The following NPTX2 variants were observed in gnomAD, a reference collection of about 807,000 sequenced individuals.
NPTX2 encodes the protein neuronal pentraxin 2, also known as neuronal pentraxin-2.
A neutral mutation model predicts 38.1 loss-of-function variants in NPTX2; 23 were observed. The observed-to-expected ratio is 0.60, with a 90% CI of 0.43 to 0.85. The LOEUF is 0.85. NPTX2 is among the 40% of genes least tolerant of loss of function. The pLI is 0.00. For synonymous variants in NPTX2, 291 were observed against 287.3 expected (o/e 1.01, Z -0.13); for missense variants, 553 against 615.3 (o/e 0.90, Z 1.07).
At position 98,628,255 on chromosome 7, in the gene NPTX2, C is replaced by T; in HGVS notation, c.1069-147C>T. On this transcript the variant is annotated intron_variant, in intron 4 of 4. Transcript: ENST00000265634. ...GATGCCACCTCCCAGTTCTGACATGCCTGGGAGCTTCAGAACCTACAGAAA... is the reference window on the plus strand; with the variant it reads ...GATGCCACCTCCCAGTTCTGACATGTCTGGGAGCTTCAGAACCTACAGAAA... 5.3e-6 allele frequency: 3 copies of T among 568,894 alleles called. No individual in the cohort carries two copies. The South Asian group carries it at 7.4e-5, about 14-fold the overall frequency. The allele number at this position is 568,894 out of a possible 1,614,324, so 35.2% of individuals were successfully genotyped here. A position where few individuals can be genotyped will look rare whatever the true frequency, so the allele number is the denominator to read the frequency against.
chr7:98,617,538 G>A lies in NPTX2; in HGVS notation c.77G>A (p.Arg26His), dbSNP rs1297775623. The A allele has an allele frequency of 2.8e-6, 4 of 1,427,420 alleles. No homozygotes were observed. The highest frequency in any genetic ancestry group is 1.5e-5 in the African/African-American group (1 of 66,864). 88.4% of individuals were successfully genotyped at this position (1,427,420 alleles called of 1,614,324 possible). A position where few individuals can be genotyped will look rare whatever the true frequency, so the allele number is the denominator to read the frequency against. ...CAGGACAGCCCGGCGCCCGGTAGCC[G>A]CTTCGTGTGCACGGCACTGCCCCCA... ...GAQDSPAPGSRFVCTALPPEA... is the reference protein window; with the variant it reads ...GAQDSPAPGSHFVCTALPPEA... Residue 26 changes from arginine (R) to histidine (H), a missense_variant, in exon 1 of 5, where the codon CGC becomes CAC. Coordinates refer to ENST00000265634, the MANE Select transcript of NPTX2 (RefSeq NM_002523.3).
chr7:98,619,551 C>T (rs1225928845), intron 1 of NPTX2, 92 bp from the exon 2 acceptor site: 6 of 1,075,292 alleles, frequency 5.6e-6, no homozygotes, highest in Non-Finnish European at 8.5e-6. Context: ...GTTTTGGAAG[C>T]TTCTCCCTGT....
intron 1 of NPTX2, among the ~76,000 whole-genome samples, chr7:98,618,701 G>C (rs1157082563): frequency 6.6e-6 from 1 of 151,068 alleles, no homozygotes; most frequent in Non-Finnish European, 1.5e-5. Flanking sequence ...TTCATCTTTA[G>C]GCTCCACCCT....
intron 2 of NPTX2, among the ~76,000 whole-genome samples, chr7:98,623,240 C>T (rs913120472): frequency 2.0e-5 from 3 of 152,180 alleles, no homozygotes; most frequent in Non-Finnish European, 2.9e-5. Flanking sequence ...GTCTGGTTCT[C>T]AAATAAGAGG....
Position 98,623,455 on chromosome 7 carries a change from C to T in NPTX2, c.644-1467C>T, listed in dbSNP as rs564675894. Among the ~76,000 whole-genome samples the T allele has an allele frequency of 1.5e-3, 227 of 152,272 alleles. 3 individuals carry two copies. Among genetic ancestry groups the T allele is most frequent in the South Asian group, 1.7e-3 (8 of 4,812 alleles). On this transcript the variant is annotated intron_variant, in intron 2 of 4. Coordinates refer to ENST00000265634, the MANE Select transcript of NPTX2 (RefSeq NM_002523.3). ...GACATAGGGGTGGCGGGTGGATTCT[C>T]ACCAATTCCAGGAAGGTCTGGAAGG...
At chr7:98,620,714 G>T (rs115274546) in intron 2 of NPTX2, among the ~76,000 whole-genome samples, 1 of 152,132 alleles carries the variant, frequency 6.6e-6, no homozygotes, top group East Asian at 1.9e-4. Context: ...AGGAGGGAAC[G>T]TCTAGGCACA....
At chr7:98,623,051 A>G (rs1233441992) in intron 2 of NPTX2, among the ~76,000 whole-genome samples, 3 of 152,038 alleles carry the variant, frequency 2.0e-5, no homozygotes, top group African/African-American at 7.3e-5. Flanking sequence ...AGAAAGGTTT[A>G]TCTATTCTGG....
chr7:98,620,096 C>A lies in NPTX2; in HGVS notation c.643+237C>A, dbSNP rs146805193. ...GTCCAGGACCAGCTTCGATAAGCAACCACACGGGCGTTTCAGTCCTTTGTT... is the reference window on the plus strand; with the variant it reads ...GTCCAGGACCAGCTTCGATAAGCAAACACACGGGCGTTTCAGTCCTTTGTT... On this transcript the variant is annotated intron_variant, in intron 2 of 4. Coordinates refer to ENST00000265634, the MANE Select transcript of NPTX2 (RefSeq NM_002523.3). 2.7e-3 allele frequency: 1,509 copies of A among 564,882 alleles called. 22 individuals are homozygous for A. The highest frequency in any genetic ancestry group is 0.025 in the African/African-American group (1,356 of 53,276). The allele number at this position is 564,882 out of a possible 1,614,324, so 35.0% of individuals were successfully genotyped here. A position where few individuals can be genotyped will look rare whatever the true frequency, so the allele number is the denominator to read the frequency against.
In NPTX2 at chr7:98,627,158, C is replaced by T. The variant is rs1791363924; in HGVS notation, c.889-7C>T. On this transcript the variant is annotated splice_region_variant and splice_polypyrimidine_tract_variant and intron_variant, in intron 3 of 4. Coordinates refer to ENST00000265634, the MANE Select transcript of NPTX2 (RefSeq NM_002523.3). ...GCAGGTCCTTACCTGCACATTGCTGCTCACAGGTTGCGCAGCTGCCCCTGT... is the reference window on the plus strand; with the variant it reads ...GCAGGTCCTTACCTGCACATTGCTGTTCACAGGTTGCGCAGCTGCCCCTGT... 1 of 1,609,704 alleles carries T rather than the reference C, an allele frequency of 6.2e-7. No individual in the cohort carries two copies. The highest frequency in any genetic ancestry group is 8.5e-7 in the Non-Finnish European group (1 of 1,176,928).
Position 98,617,573 on chromosome 7 carries a change from C to G in NPTX2, c.112C>G (p.His38Asp). 9 of 1,481,158 alleles carry G rather than the reference C, an allele frequency of 6.1e-6. No homozygotes were observed. Among genetic ancestry groups the G allele is most frequent in the Non-Finnish European group, 8.0e-6 (9 of 1,123,116 alleles). The allele number at this position is 1,481,158 out of a possible 1,614,324, so 91.8% of individuals were successfully genotyped here. ...VCTALPPEAVHAGCPLPAMPM... is the reference protein window; with the variant it reads ...VCTALPPEAVDAGCPLPAMPM... ...CACGGCACTGCCCCCAGAGGCGGTG[C>G]ACGCCGGCTGCCCGCTGCCCGCGAT... The change falls in exon 1 of 5, where the codon CAC (histidine) becomes GAC (aspartate). Residue 38 changes from histidine (H) to aspartate (D), a missense_variant. Coordinates refer to ENST00000265634, the MANE Select transcript of NPTX2 (RefSeq NM_002523.3).
At position 98,617,873 on chromosome 7, in the gene NPTX2, C is replaced by A; in HGVS notation, c.412C>A (p.Leu138Met). Residue 138 changes from leucine to methionine, a missense_variant, in exon 1 of 5, where the codon CTG (leucine) becomes ATG (methionine). By Grantham distance (15) the Leu-to-Met change is conservative. Transcript: ENST00000265634. The stretch of plus-strand genomic sequence containing the variant: ...CTCGCTGCAGACCCTCAAGGACCGC[C>A]TGGAGAGCCTCGAGGTAGCGGCCCG... ...SRSLQTLKDR[L>M]ESLEHQLRAN... The A allele has an allele frequency of 2.1e-5, 32 of 1,555,754 alleles. No homozygotes were observed. Among genetic ancestry groups the A allele is most frequent in the Non-Finnish European group, 2.8e-5 (32 of 1,159,080 alleles).
At chr7:98,625,527 C>T (rs1562850878) in intron 3 of NPTX2, among the ~76,000 whole-genome samples, 1 of 152,106 alleles carries the variant, frequency 6.6e-6, no homozygotes, top group Non-Finnish European at 1.5e-5. Flanking sequence ...GTGTGTGTGT[C>T]TCAGTGTAAG....
At position 98,619,773 on chromosome 7, in the gene NPTX2, T is replaced by C. The variant is rs759164197; in HGVS notation, c.557T>C (p.Leu186Pro). 3.1e-6 allele frequency: 5 copies of C among 1,613,738 alleles called. No individual in the cohort carries two copies. Among genetic ancestry groups the C allele is most frequent in the Non-Finnish European group, 1.7e-6 (2 of 1,180,042 alleles). ...KVAELEDEKS[L>P]LHNETSAHRQ... is the part of the protein sequence containing the mutation. ...GCAGAGCTGGAGGACGAGAAGTCCCTGCTGCACAATGAGACCTCGGCTCAC... is the reference window on the plus strand; with the variant it reads ...GCAGAGCTGGAGGACGAGAAGTCCCCGCTGCACAATGAGACCTCGGCTCAC... The change falls in exon 2 of 5, where the codon CTG becomes CCG. Residue 186 changes from leucine to proline, a missense_variant. By Grantham distance (98) the Leu-to-Pro change is moderately conservative (BLOSUM62 -3). Transcript: ENST00000265634.
intron 3 of NPTX2, among the ~76,000 whole-genome samples, chr7:98,625,440 C>T (rs1041264444): frequency 3.3e-5 from 5 of 152,150 alleles, no homozygotes; most frequent in Admixed American, 1.3e-4. Context: ...AACAGATCTC[C>T]GTGTGCAGCC....
At position 98,619,865 on chromosome 7, in the gene NPTX2, T is replaced by C. The variant is rs771843238; in HGVS notation, c.643+6T>C. 1.2e-6 allele frequency: 2 copies of C among 1,612,504 alleles called. No homozygotes were observed. The highest frequency in any genetic ancestry group is 3.3e-5 in the Admixed American group (2 of 59,946). On this transcript the variant is annotated splice_donor_region_variant and intron_variant, in intron 2 of 4. Coordinates refer to ENST00000265634, the MANE Select transcript of NPTX2 (RefSeq NM_002523.3). ...GGTCACCGAGCTGGAGCGAGGTGTG[T>C]GCCTGGCCTGTTTCTCTGTCTGGCA...
At chr7:98,627,644 A>G (rs1409231619) in intron 4 of NPTX2, among the ~76,000 whole-genome samples, 2 of 152,138 alleles carry the variant, frequency 1.3e-5, no homozygotes, top group African/African-American at 4.8e-5. Flanking sequence ...GTTCAAACAG[A>G]TTCCAAATAG....
At position 98,625,172 on chromosome 7, in the gene NPTX2, G is replaced by T. The variant is rs1360694663; in HGVS notation, c.888+6G>T. ...AGCTGCTCATCAACGACAAGGTGAG[G>T]CCCGCCTGCACCGCCACCCTCCCCA... On this transcript the variant is annotated splice_donor_region_variant and intron_variant, in intron 3 of 4. Transcript: ENST00000265634. The T allele has an allele frequency of 1.9e-6, 3 of 1,564,106 alleles. No homozygotes were observed. Among genetic ancestry groups the T allele is most frequent in the African/African-American group, 1.3e-5 (1 of 74,544 alleles).
chr7:98,625,052 C>T lies in NPTX2; in HGVS notation c.774C>T (p.Ser258=), dbSNP rs202017409. The change falls in exon 3 of 5, where the codon TCC becomes TCT. Residue 258 remains serine (S), a synonymous_variant. Coordinates refer to ENST00000265634, the MANE Select transcript of NPTX2 (RefSeq NM_002523.3). ...YAFTICLWLR[S]SASPGIGTPF... ...TCACCATCTGCCTGTGGCTGCGGTC[C>T]AGCGCCTCACCAGGCATTGGCACCC... 6.8e-5 allele frequency: 109 copies of T among 1,613,580 alleles called. No homozygotes were observed. The Admixed American group carries it at 1.8e-3, about 26-fold the overall frequency.
chr7:98,618,096 T>A (rs766145122), intron 1 of NPTX2, among the ~76,000 whole-genome samples: 1 of 152,162 alleles, frequency 6.6e-6, no homozygotes, highest in Non-Finnish European at 1.5e-5. Flanking sequence ...CCGCTGCTCT[T>A]GCTGGAAGGA....
Sources: allele counts gnomAD v4.1 joint callset (sites outside exome capture counted in the v4.1 genomes callset), GRCh38; gene constraint gnomAD v4.1.1; transcripts MANE v1.5; gene names NCBI Gene and HGNC (gene_info 2026-07-23, HGNC 2026-07-21).